COL21A1: variants seen among roughly 807,000 people sequenced by gnomAD.
COL21A1 encodes the protein collagen alpha-1(XXI) chain.
COL21A1 carries 149 observed loss-of-function variants against 137.9 expected under a neutral mutation model. The ratio of observed to expected loss-of-function variants is 1.08; its 90% CI spans 0.95 to 1.24. The LOEUF is 1.24. COL21A1 is among the 50% of genes most tolerant of loss of function. The probability of loss-of-function intolerance (pLI) is 0.00; values close to 1 mark genes in which losing one functional copy is unlikely to be tolerated. For missense variants in COL21A1, 1,167 were observed against 1,158.4 expected, an observed-to-expected ratio of 1.01 and a Z score of -0.11; for synonymous variants, 456 against 391.5, an observed-to-expected ratio of 1.16 and a Z score of -1.95.
At chr6:56,106,172 A>C (rs956866767) in intron 16 of COL21A1, among the ~76,000 whole-genome samples, 1 of 152,206 alleles carries the variant, frequency 6.6e-6, no homozygotes, top group Non-Finnish European at 1.5e-5. Flanking sequence ...TTCTCCAATC[A>C]ACAAAAGCTT....
At chr6:56,233,099 A>G (rs1203064703) in intron 1 of COL21A1, among the ~76,000 whole-genome samples, 1 of 151,838 alleles carries the variant, frequency 6.6e-6, no homozygotes, top group Non-Finnish European at 1.5e-5. Context: ...TTGTATCCAC[A>G]GTAATCTATG....
intron 16 of COL21A1, among the ~76,000 whole-genome samples, chr6:56,118,184 C>A: frequency 6.7e-6 from 1 of 149,590 alleles, no homozygotes. Flanking sequence ...AAATTTTTAG[C>A]CAGTGTAACC....
At chr6:56,076,595 A>G (rs2114127608) in intron 18 of COL21A1, among the ~76,000 whole-genome samples, 1 of 151,536 alleles carries the variant, frequency 6.6e-6, no homozygotes, top group African/African-American at 2.4e-5. Flanking sequence ...AGTGTTTATC[A>G]TTTTTAAAAA....
chr6:56,343,904 C>T (rs1010860610), intron 1 of COL21A1, among the ~76,000 whole-genome samples: 11 of 152,114 alleles, frequency 7.2e-5, no homozygotes, highest in African/African-American at 2.2e-4. Flanking sequence ...CATAACTGTA[C>T]GACTGCACTC....
At chr6:56,191,598 A>AAAT (rs1778685207) in intron 1 of COL21A1, among the ~76,000 whole-genome samples, 1 of 151,266 alleles carries the variant, frequency 6.6e-6, no homozygotes, top group South Asian at 2.1e-4. Context: ...TCTCAAAAAA[A>AAAT]AAAAAAAAAA....
chr6:56,069,243 A>G lies in COL21A1; in HGVS notation c.2020-126T>C, dbSNP rs974838714. 9 of 504,346 alleles carry G rather than the reference A, an allele frequency of 1.8e-5. No homozygotes were observed. The African/African-American group carries it at 1.8e-4, about 10-fold the overall frequency. The allele number at this position is 504,346 out of a possible 1,614,324, so 31.2% of individuals were successfully genotyped here. On this transcript the variant is annotated intron_variant, in intron 21 of 29. Coordinates refer to ENST00000244728, the MANE Select transcript of COL21A1 (RefSeq NM_030820.4). ...AAAAAATGTATTGACAGTTACTACT[A>G]CAGAAATAGTAAAGAATAAAATGTT...
At chr6:56,233,239 G>A (rs1174647332) in intron 1 of COL21A1, among the ~76,000 whole-genome samples, 2 of 151,756 alleles carry the variant, frequency 1.3e-5, no homozygotes, top group African/African-American at 2.4e-5. Context: ...ATAATTATTG[G>A]GGGCAAGCTC....
intron 10 of COL21A1, among the ~76,000 whole-genome samples, chr6:56,146,688 A>G (rs1207379350): frequency 6.6e-6 from 1 of 152,144 alleles, no homozygotes; most frequent in Non-Finnish European, 1.5e-5. Flanking sequence ...ATGCATCAGG[A>G]AAAGATATAC....
rs185767299 is a variant in COL21A1 at position 56,066,639 on chromosome 6, T to C, written c.2127+656A>G. On this transcript the variant is annotated intron_variant, in intron 23 of 29. Transcript: ENST00000244728. ...TAATTTATCCCAGATAACTATTTCA[T>C]TGACTCAGCTAGTGGCATCTTATTC... 1.6e-4 allele frequency among the ~76,000 whole-genome samples: 25 copies of C among 151,938 alleles called. 1 individual carries two copies. The highest frequency in any genetic ancestry group is 3.9e-4 in the Admixed American group (6 of 15,194).
At chr6:56,060,242 T>A in intron 27 of COL21A1, 24 bp from the exon 28 acceptor site, 1 of 1,542,970 alleles carries the variant, frequency 6.5e-7, no homozygotes, top group Non-Finnish European at 8.8e-7. Flanking sequence ...AGAAACCCCA[T>A]CCCTTATGTT....
At chr6:56,174,381 G>C (rs1340382410) in intron 3 of COL21A1, among the ~76,000 whole-genome samples, 1 of 151,934 alleles carries the variant, frequency 6.6e-6, no homozygotes, top group African/African-American at 2.4e-5. Context: ...ACAAAGCTAA[G>C]AGTTGCTTTT....
In COL21A1 at chr6:56,124,073, G is replaced by T. The variant is rs202115077; in HGVS notation, c.1747C>A (p.Pro583Thr). The change falls in exon 16 of 30, where the codon CCC becomes ACC. Residue 583 changes from proline to threonine, a missense_variant. Transcript: ENST00000244728. ...RHGKDGLMGSPGFKGEAGSPG... is the reference protein window; with the variant it reads ...RHGKDGLMGSTGFKGEAGSPG... ...TTTTTTATAAATACCTTGAAACCGG[G>T]ACTACCCATTAATCCATCCTTTCCA... 2,127 of 1,516,920 alleles carry T rather than the reference G, an allele frequency of 1.4e-3. 4 individuals are homozygous for T. Among genetic ancestry groups the T allele is most frequent in the Non-Finnish European group, 1.7e-3 (1,974 of 1,135,364 alleles). The allele number at this position is 1,516,920 out of a possible 1,614,324, so 94.0% of individuals were successfully genotyped here. A position where few individuals can be genotyped will look rare whatever the true frequency, so the allele number is the denominator to read the frequency against.
chr6:56,345,282 G>A (rs1250612832), intron 1 of COL21A1, among the ~76,000 whole-genome samples: 3 of 152,174 alleles, frequency 2.0e-5, no homozygotes, highest in Non-Finnish European at 4.4e-5. Flanking sequence ...GTGCATGACT[G>A]CTGGGGGGAG....
At chr6:56,081,772 G>A (rs1383953433) in intron 17 of COL21A1, among the ~76,000 whole-genome samples, 1 of 151,830 alleles carries the variant, frequency 6.6e-6, no homozygotes, top group African/African-American at 2.4e-5. Context: ...AAGAACGTTG[G>A]ATGAACTTAT....
chr6:56,141,483 T>G lies in COL21A1; in HGVS notation c.1542+302A>C, dbSNP rs540826353. Among the ~76,000 whole-genome samples the G allele has an allele frequency of 2.1e-4, 32 of 152,296 alleles. 1 individual carries two copies. The South Asian group carries it at 6.6e-3, about 32-fold the overall frequency. Reference sequence around the variant, plus strand: ...ATCTGAGGTTAACATGGTAACACTTTCCTTTCACATAACCCACTCCCCTCT... The same window carrying G: ...ATCTGAGGTTAACATGGTAACACTTGCCTTTCACATAACCCACTCCCCTCT... On this transcript the variant is annotated intron_variant, in intron 12 of 29. Coordinates refer to ENST00000244728, the MANE Select transcript of COL21A1 (RefSeq NM_030820.4).
At chr6:56,335,000 A>G (rs1019014621) in intron 1 of COL21A1, among the ~76,000 whole-genome samples, 3 of 152,180 alleles carry the variant, frequency 2.0e-5, no homozygotes, top group African/African-American at 4.8e-5. Context: ...TCTTCTTTGT[A>G]TATTACCCAG....
chr6:56,331,551 A>ATT (rs70989706), intron 1 of COL21A1, among the ~76,000 whole-genome samples: 3 of 151,570 alleles, frequency 2.0e-5, no homozygotes, highest in Non-Finnish European at 4.4e-5. Flanking sequence ...TCCCCAGTGT[A>ATT]TTTTTTTGTC....
upstream of COL21A1, chr6:56,247,605 A>C (rs2152328278): frequency 6.6e-6 from 1 of 152,316 alleles, no homozygotes; most frequent in South Asian, 2.1e-4. Context: ...GGAGCCCGGG[A>C]GATAAGGTTC....
intron 1 of COL21A1, among the ~76,000 whole-genome samples, chr6:56,260,641 A>AAGGG (rs1763236646): frequency 2.5e-5 from 1 of 40,722 alleles, no homozygotes; most frequent in East Asian, 5.0e-4. Context: ...GGAAGGAAGG[A>AAGGG]AGGAAGGAAG....
Sources: allele counts gnomAD v4.1 joint callset (sites outside exome capture counted in the v4.1 genomes callset), GRCh38; gene constraint gnomAD v4.1.1; transcripts MANE v1.5; gene names NCBI Gene and HGNC (gene_info 2026-07-23, HGNC 2026-07-21).